Variants in DNAH5 observed in about 807,000 individuals in gnomAD.
DNAH5 encodes axonemal beta dynein heavy chain 5.
In DNAH5, 372 loss-of-function variants were observed where a neutral mutation model predicts 518.2. The observed-to-expected ratio is 0.72, with a 90% CI of 0.66 to 0.78. The LOEUF (loss-of-function observed/expected upper bound fraction) is 0.78, where lower values mean the gene tolerates loss of function less well. Among genes scored for constraint, DNAH5 ranks in the 30% least tolerant of loss-of-function variants. DNAH5 has a pLI of 0.00. For synonymous variants in DNAH5, 2,039 were observed against 2,025.9 expected (o/e 1.01, Z -0.17); for missense variants, 5,523 against 5,687.0 (o/e 0.97, Z 0.93).
chr5:13,842,490 A>AG (rs1765419353), intron 32 of DNAH5, among the ~76,000 whole-genome samples: 1 of 107,934 alleles, frequency 9.3e-6, no homozygotes, highest in Non-Finnish European at 1.9e-5. Flanking sequence ...AAAGAGAAAG[A>AG]AAAGAAAGAA....
At chr5:13,902,890 C>T (rs965950148) in intron 12 of DNAH5, among the ~76,000 whole-genome samples, 2 of 152,112 alleles carry the variant, frequency 1.3e-5, no homozygotes, top group East Asian at 3.8e-4. Flanking sequence ...GAAACACTTC[C>T]AAAGCCCAGG....
At chr5:13,889,069 T>C (rs777528487) in intron 17 of DNAH5, among the ~76,000 whole-genome samples, 9 of 152,220 alleles carry the variant, frequency 5.9e-5, no homozygotes, top group Non-Finnish European at 8.8e-5. Flanking sequence ...CTGATATATA[T>C]GGAGTAGAGA....
rs769614601 is a variant in DNAH5 at position 13,841,882 on chromosome 5, A to G, written c.5294T>C (p.Ile1765Thr). ...HEKIYDRILS[I>T]SSQEGETIEL... ...AATCGTCTCACCCTCTTGAGAGGAA[A>G]TTGACAGAATTCGATCATAGATCTA... Residue 1765 changes from isoleucine to threonine, a missense_variant, in exon 33 of 79, where the codon ATT (isoleucine) becomes ACT (threonine). Physicochemically the swap from Ile to Thr is moderately conservative, Grantham distance 89 (BLOSUM62 -1). Transcript: ENST00000265104. 5.6e-6 allele frequency: 8 copies of G among 1,423,894 alleles called. No individual in the cohort carries two copies. In the East Asian group the frequency reaches 1.2e-4, roughly 22 times the overall value. The allele number at this position is 1,423,894 out of a possible 1,614,324, so 88.2% of individuals were successfully genotyped here.
At chr5:13,862,794 C>T (rs774486874) in intron 28 of DNAH5, 47 bp from the exon 29 acceptor site, 2 of 1,516,758 alleles carry the variant, frequency 1.3e-6, no homozygotes, top group African/African-American at 1.4e-5. Context: ...AGTCACACGT[C>T]CTTCCTTAAT....
intron 12 of DNAH5, 69 bp from the exon 13 acceptor site, chr5:13,902,207 G>C: frequency 8.6e-7 from 1 of 1,169,398 alleles, no homozygotes; most frequent in Non-Finnish European, 1.3e-6. Context: ...CAAGATAAAA[G>C]AGCTTTCCAT....
chr5:13,923,411 G>C lies in DNAH5; in HGVS notation c.307C>G (p.Leu103Val), dbSNP rs375788827. 1.9e-6 allele frequency: 3 copies of C among 1,614,016 alleles called. No homozygotes were observed. Among genetic ancestry groups the C allele is most frequent in the Non-Finnish European group, 2.5e-6 (3 of 1,179,998 alleles). ...GQLGSLGGVN[L>V]VSGKIKKPKV... ...GGTTTTTTAATCTTTCCAGAAACAA[G>C]ATTTACCCCTCCTAGAGAGCCAAGT... The change falls in exon 4 of 79, where the codon CTT becomes GTT. Residue 103 changes from leucine (L) to valine (V), a missense_variant. By Grantham distance (32) the Leu-to-Val change is conservative. Coordinates refer to ENST00000265104, the MANE Select transcript of DNAH5 (RefSeq NM_001369.3).
chr5:13,748,078 G>A (rs1749661619), intron 65 of DNAH5, among the ~76,000 whole-genome samples: 1 of 152,182 alleles, frequency 6.6e-6, no homozygotes, highest in Non-Finnish European at 1.5e-5. Flanking sequence ...AAGGGATCCA[G>A]TTTCAGCTTT....
chr5:13,988,935 C>T lies in DNAH5; in HGVS notation c.12+22713G>A, dbSNP rs188485023. Among the ~76,000 whole-genome samples, 373 of 151,112 alleles carry T rather than the reference C, an allele frequency of 2.5e-3. 1 individual carries two copies. Among genetic ancestry groups the T allele is most frequent in the South Asian group, 5.1e-3 (24 of 4,676 alleles). On this transcript the variant is annotated intron_variant, in intron 1 of 78. Coordinates refer to the DNAH5 transcript ENST00000681290. ...TAGAGACGGGGTTTCACCATGTTGG[C>T]CAGGCCTGGTCTCAAACTCCTGACC... is the stretch of plus-strand genomic sequence containing the variant.
chr5:13,794,857 T>C (rs1580282793), intron 47 of DNAH5, among the ~76,000 whole-genome samples: 1 of 152,022 alleles, frequency 6.6e-6, no homozygotes, highest in African/African-American at 2.4e-5. Flanking sequence ...GTCCCAGCTA[T>C]TCGGGAGGCT....
chr5:13,813,457 G>GA (rs374318289), intron 43 of DNAH5, among the ~76,000 whole-genome samples: 109,455 of 136,736 alleles, frequency 0.8, 43,122 homozygotes, highest in East Asian at 0.9. Context: ...GCACTTAAAA[G>GA]AAAAAAAAAA....
intron 30 of DNAH5, among the ~76,000 whole-genome samples, 174 bp from the exon 31 acceptor site, chr5:13,850,989 A>G (rs1240993222): frequency 6.6e-6 from 1 of 152,216 alleles, no homozygotes; most frequent in East Asian, 1.9e-4. Context: ...TTTCTGTGCC[A>G]TATCATCCCC....
intron 70 of DNAH5, 42 bp downstream of exon 70, chr5:13,727,465 A>T (rs772963562): frequency 6.4e-7 from 1 of 1,551,912 alleles, no homozygotes. Context: ...AATTCTCTTT[A>T]AAAATATTCT....
chr5:13,966,852 T>C (rs1399727852), intron 1 of DNAH5, among the ~76,000 whole-genome samples: 1 of 152,200 alleles, frequency 6.6e-6, no homozygotes, highest in Non-Finnish European at 1.5e-5. Flanking sequence ...GCATTGTTTT[T>C]TGTTTTTTGC....
At chr5:13,885,319 C>A (rs1481662817) in intron 18 of DNAH5, 91 bp from the exon 19 acceptor site, 1 of 1,477,898 alleles carries the variant, frequency 6.8e-7, no homozygotes, top group Non-Finnish European at 9.3e-7. Context: ...ATAGAATCAT[C>A]TGTTGCAATT....
intron 1 of DNAH5, among the ~76,000 whole-genome samples, chr5:13,950,473 T>A (rs1036347814): frequency 2.6e-5 from 4 of 152,060 alleles, no homozygotes; most frequent in Non-Finnish European, 5.9e-5. Context: ...ATGGGGTTCC[T>A]CCATGTTGGT....
chr5:13,806,009 G>C (rs13162963), intron 47 of DNAH5, among the ~76,000 whole-genome samples: 6,339 of 152,256 alleles, frequency 0.042, 188 homozygotes, highest in Non-Finnish European at 0.065. Context: ...ACAGTCTCAT[G>C]AAGTGTGGAT....
In DNAH5 at chr5:13,780,836, G is replaced by C; in HGVS notation, c.8944C>G (p.Leu2982Val). 6.2e-7 allele frequency: 1 copy of C among 1,613,576 alleles called. No individual in the cohort carries two copies. ...AAAGTAAAAGGTTGTCACCTCGTCA[G>C]AGTGATCTGGAAGGAAACGTAGCCA... ...IAGYVSFQITLTRSYNTSNLM... is the reference protein window; with the variant it reads ...IAGYVSFQITVTRSYNTSNLM... The change falls in exon 53 of 79, where the codon CTG becomes GTG. Residue 2982 changes from leucine (L) to valine (V), a missense_variant. Physicochemically the swap from Leu to Val is conservative, Grantham distance 32 (BLOSUM62 1). Coordinates refer to ENST00000265104, the MANE Select transcript of DNAH5 (RefSeq NM_001369.3).
chr5:13,885,326 A>G (rs1772258720), intron 18 of DNAH5, 98 bp from the exon 19 acceptor site: 1 of 1,430,770 alleles, frequency 7.0e-7, no homozygotes. Flanking sequence ...CATCTGTTGC[A>G]ATTAAAGGAT....
At chr5:13,945,795 A>G (rs1779863459), upstream of DNAH5, among the ~76,000 whole-genome samples, 1 of 152,058 alleles carries the variant, frequency 6.6e-6, no homozygotes, top group Admixed American at 6.6e-5. Context: ...TTGTAGAAAC[A>G]GGTTTGGCCA....
Sources: allele counts gnomAD v4.1 joint callset (sites outside exome capture counted in the v4.1 genomes callset), GRCh38; gene constraint gnomAD v4.1.1; transcripts MANE v1.5; gene names NCBI Gene and HGNC (gene_info 2026-07-23, HGNC 2026-07-21).